Variants in TNNI3K observed in about 807,000 individuals in gnomAD.
The protein encoded by TNNI3K is serine/threonine-protein kinase TNNI3K.
TNNI3K carries 140 observed loss-of-function variants against 114.5 expected under a neutral mutation model. The ratio of observed to expected loss-of-function variants is 1.22; its 90% confidence interval spans 1.07 to 1.41. The LOEUF (loss-of-function observed/expected upper bound fraction) is 1.41. TNNI3K is among the 40% of genes most tolerant of loss of function. The probability of loss-of-function intolerance (pLI) is 0.00; values close to 1 mark genes in which losing one functional copy is unlikely to be tolerated. For missense variants in TNNI3K, 1,125 were observed against 1,007.6 expected, an observed-to-expected ratio of 1.12 and a Z score of -1.58; for synonymous variants, 347 against 347.5, an observed-to-expected ratio of 1.00 and a Z score of 0.02.
chr1:74,319,932 T>C (rs924932119), intron 5 of TNNI3K, among the ~76,000 whole-genome samples: 1 of 152,182 alleles, frequency 6.6e-6, no homozygotes, highest in African/African-American at 2.4e-5. Context: ...GCATAGCAGT[T>C]TAGTCATATG....
chr1:74,443,018 T>C (rs1432956786), intron 20 of TNNI3K, among the ~76,000 whole-genome samples: 1 of 151,972 alleles, frequency 6.6e-6, no homozygotes, highest in Non-Finnish European at 1.5e-5. Context: ...AAAGCAGCGT[T>C]GAGATAAATT....
In TNNI3K at chr1:74,257,946, C is replaced by T. The variant is rs183206643; in HGVS notation, c.333+7177C>T. ...CCTCCTAAAGTGCTGGGATTACAGG[C>T]GTGAGCCACCGTGCCCGGCCGCCTC... On this transcript the variant is annotated intron_variant, in intron 4 of 24. Coordinates refer to ENST00000326637, the MANE Select transcript of TNNI3K (RefSeq NM_015978.3). 3.3e-3 allele frequency among the ~76,000 whole-genome samples: 497 copies of T among 152,230 alleles called. 4 individuals carry two copies. Among genetic ancestry groups the T allele is most frequent in the African/African-American group, 0.011 (437 of 41,534 alleles).
chr1:74,318,498 G>T (rs912570363), intron 5 of TNNI3K, among the ~76,000 whole-genome samples: 2 of 152,166 alleles, frequency 1.3e-5, no homozygotes, highest in African/African-American at 4.8e-5. Context: ...GATTGAATTT[G>T]GCGGGCACAT....
chr1:74,457,666 G>A (rs1667282247), intron 20 of TNNI3K, among the ~76,000 whole-genome samples: 2 of 152,134 alleles, frequency 1.3e-5, no homozygotes, highest in South Asian at 2.1e-4. Context: ...ACAAAATATT[G>A]TAGCGTATTG....
chr1:74,381,052 C>G (rs1663179072), intron 17 of TNNI3K, among the ~76,000 whole-genome samples: 1 of 152,008 alleles, frequency 6.6e-6, no homozygotes, highest in Admixed American at 6.6e-5. Context: ...AATTATAAAC[C>G]TTTTTAAAGT....
At chr1:74,480,311 T>C in intron 21 of TNNI3K, 1 of 717,754 alleles carries the variant, frequency 1.4e-6, no homozygotes. Flanking sequence ...GGTAGATGGC[T>C]GGCAATTTAG....
chr1:74,278,137 C>CCCTT (rs1553126535), intron 5 of TNNI3K, among the ~76,000 whole-genome samples: 1 of 152,080 alleles, frequency 6.6e-6, no homozygotes, highest in Admixed American at 6.6e-5. Context: ...GTTTCTCTCT[C>CCCTT]TCTCTTATTT....
At chr1:74,242,704 A>G (rs1654319380) in intron 2 of TNNI3K, among the ~76,000 whole-genome samples, 2 of 152,212 alleles carry the variant, frequency 1.3e-5, no homozygotes, top group African/African-American at 2.4e-5. Context: ...TCAAATCCAA[A>G]AGGAAACAAA....
At chr1:74,513,009 A>G (rs1359199238) in intron 23 of TNNI3K, among the ~76,000 whole-genome samples, 1 of 152,142 alleles carries the variant, frequency 6.6e-6, no homozygotes, top group Non-Finnish European at 1.5e-5. Context: ...TTGATAAGAC[A>G]CTTAAAGAGG....
intron 19 of TNNI3K, among the ~76,000 whole-genome samples, chr1:74,438,897 A>G (rs1462459072): frequency 2.6e-5 from 4 of 152,144 alleles, no homozygotes; most frequent in African/African-American, 9.7e-5. Context: ...AAAGTAAGAC[A>G]GACCTGATCC....
intron 17 of TNNI3K, among the ~76,000 whole-genome samples, chr1:74,409,026 C>G (rs1419633564): frequency 6.6e-6 from 1 of 151,826 alleles, no homozygotes; most frequent in Non-Finnish European, 1.5e-5. Flanking sequence ...CTTAAAGGTA[C>G]CAGAATTAAC....
intron 20 of TNNI3K, among the ~76,000 whole-genome samples, chr1:74,448,779 A>G (rs2100692020): frequency 2.3e-5 from 1 of 42,592 alleles, no homozygotes; most frequent in Middle Eastern, 5.8e-3. Context: ...TGATTTGCGT[A>G]TATTGAACCA....
chr1:74,342,571 G>A (rs1465623343), intron 7 of TNNI3K, among the ~76,000 whole-genome samples: 1 of 152,088 alleles, frequency 6.6e-6, no homozygotes, highest in Admixed American at 6.6e-5. Context: ...TTAGTTTCCC[G>A]AACTGTTCCA....
chr1:74,274,000 C>T (rs1280715985), intron 5 of TNNI3K, among the ~76,000 whole-genome samples: 1 of 151,856 alleles, frequency 6.6e-6, no homozygotes, highest in East Asian at 1.9e-4. Flanking sequence ...GAGTTAGGAG[C>T]ACTGATCCCC....
intron 20 of TNNI3K, among the ~76,000 whole-genome samples, chr1:74,454,379 C>G (rs1667145890): frequency 6.6e-6 from 1 of 152,110 alleles, no homozygotes; most frequent in East Asian, 1.9e-4. Flanking sequence ...TCCCCACTAC[C>G]CTTCCCAGCC....
At chr1:74,260,125 C>T (rs1055937420) in intron 4 of TNNI3K, among the ~76,000 whole-genome samples, 1 of 152,128 alleles carries the variant, frequency 6.6e-6, no homozygotes, top group African/African-American at 2.4e-5. Context: ...TTATTGAACT[C>T]GCAGACAGAA....
At chr1:74,321,277 C>CTA (rs1659597605) in intron 5 of TNNI3K, among the ~76,000 whole-genome samples, 1 of 152,106 alleles carries the variant, frequency 6.6e-6, no homozygotes, top group African/African-American at 2.4e-5. Context: ...CACAGAAAAT[C>CTA]TGCCTTTCTT....
intron 11 of TNNI3K, among the ~76,000 whole-genome samples, chr1:74,354,452 T>C (rs1421014763): frequency 2.0e-5 from 3 of 151,060 alleles, no homozygotes; most frequent in Non-Finnish European, 2.9e-5. Context: ...TTATCTCTTA[T>C]ATGGGGGAAT....
At chr1:74,266,915 C>CT (rs1260182576) in intron 4 of TNNI3K, among the ~76,000 whole-genome samples, 3 of 151,894 alleles carry the variant, frequency 2.0e-5, no homozygotes, top group African/African-American at 7.2e-5. Flanking sequence ...AGCTGGAGCG[C>CT]TTTTTTGTCT....
Sources: gnomAD v4.1 joint callset for allele counts (sites outside exome capture counted in the v4.1 genomes callset) on GRCh38, gnomAD v4.1.1 for gene constraint, MANE v1.5 for transcripts, NCBI Gene and HGNC (gene_info 2026-07-23, HGNC 2026-07-21) for gene names.